CA10: variants seen among roughly 807,000 people sequenced by gnomAD.
CA10 encodes carbonic anhydrase-related protein 10.
Under a neutral mutation model 44.2 loss-of-function variants are expected in CA10, and 14 were observed. The observed-to-expected ratio is 0.32, with a 90% CI of 0.21 to 0.50. The LOEUF (loss-of-function observed/expected upper bound fraction) is 0.50. Among genes scored for constraint, CA10 ranks in the 20% least tolerant of loss-of-function variants. CA10 has a pLI of 0.99. For synonymous variants in CA10, 159 were observed against 141.6 expected, an observed-to-expected ratio of 1.12 and a Z score of -0.87; for missense variants, 350 against 409.7, an observed-to-expected ratio of 0.85 and a Z score of 1.26.
intron 3 of CA10, among the ~76,000 whole-genome samples, chr17:51,888,793 T>A (rs1448975207): frequency 6.6e-6 from 1 of 152,228 alleles, no homozygotes; most frequent in Non-Finnish European, 1.5e-5. Context: ...CCATTACCTA[T>A]TGCTACATAA....
chr17:51,974,713 T>C (rs1252090566), intron 2 of CA10, among the ~76,000 whole-genome samples: 4 of 152,022 alleles, frequency 2.6e-5, no homozygotes, highest in African/African-American at 9.7e-5. Flanking sequence ...TTAAAAGCTG[T>C]CAGAAAAGGT....
chr17:52,140,576 G>A (rs1043545921), intron 1 of CA10, among the ~76,000 whole-genome samples: 2 of 152,074 alleles, frequency 1.3e-5, no homozygotes, highest in African/African-American at 2.4e-5. Context: ...CTTAGCCCCT[G>A]GGCCTTACAA....
intron 3 of CA10, among the ~76,000 whole-genome samples, chr17:51,846,673 A>G (rs1055064827): frequency 2.6e-5 from 4 of 152,244 alleles, no homozygotes; most frequent in Non-Finnish European, 4.4e-5. Flanking sequence ...TTTACTCTTT[A>G]CTACATCTGA....
intron 1 of CA10, among the ~76,000 whole-genome samples, chr17:52,132,464 A>T (rs1013388381): frequency 1.3e-5 from 2 of 152,224 alleles, no homozygotes; most frequent in Admixed American, 6.5e-5. Context: ...ATGTGAGTCA[A>T]TTCTTCTAAA....
intron 3 of CA10, among the ~76,000 whole-genome samples, chr17:51,758,953 A>AC (rs1350529879): frequency 2.0e-5 from 3 of 152,120 alleles, no homozygotes; most frequent in Non-Finnish European, 4.4e-5. Flanking sequence ...TTCAAAGTCA[A>AC]TCTCCTTATG....
chr17:52,056,461 G>T (rs1334519879), intron 2 of CA10, among the ~76,000 whole-genome samples: 3 of 152,152 alleles, frequency 2.0e-5, no homozygotes, highest in Non-Finnish European at 4.4e-5. Context: ...GGAAAGAGGA[G>T]CTGGCTTGCT....
At chr17:51,712,701 G>A (rs908761089) in intron 4 of CA10, among the ~76,000 whole-genome samples, 4 of 152,204 alleles carry the variant, frequency 2.6e-5, no homozygotes, top group African/African-American at 9.7e-5. Flanking sequence ...CCAATATAGT[G>A]TGCAGGTCAG....
At chr17:51,701,840 C>T (rs78100086) in intron 4 of CA10, among the ~76,000 whole-genome samples, 12,136 of 152,198 alleles carry the variant, frequency 0.08, 1,626 homozygotes, top group African/African-American at 0.28. Context: ...AAAGGTTTTA[C>T]GACTAGAGAC....
intron 1 of CA10, among the ~76,000 whole-genome samples, chr17:52,073,951 C>T (rs1208704071): frequency 2.6e-5 from 4 of 152,158 alleles, no homozygotes; most frequent in Admixed American, 2.6e-4. Context: ...AGCCAAGAAA[C>T]CAAATCAAGG....
In CA10 at chr17:51,738,791, T is replaced by C. The variant is rs190802163; in HGVS notation, c.465+8842A>G. Reference sequence around the variant, plus strand: ...GGCTCTATTTGCTCTATGAGGTGACTAAACCAGGTGACCTAAGAAGGTTTT... The same window carrying C: ...GGCTCTATTTGCTCTATGAGGTGACCAAACCAGGTGACCTAAGAAGGTTTT... On this transcript the variant is annotated intron_variant, in intron 4 of 8. Transcript: ENST00000451037. 1.2e-4 allele frequency among the ~76,000 whole-genome samples: 19 copies of C among 152,350 alleles called. No homozygotes were observed. In the East Asian group the frequency reaches 3.3e-3, roughly 26 times the overall value.
intron 3 of CA10, among the ~76,000 whole-genome samples, chr17:51,765,670 G>A (rs1328125525): frequency 6.6e-6 from 1 of 151,294 alleles, no homozygotes; most frequent in African/African-American, 2.4e-5. Flanking sequence ...GCTAATGAGA[G>A]CTTGCAAGGC....
At chr17:51,832,678 C>T (rs1050118855) in intron 3 of CA10, among the ~76,000 whole-genome samples, 7 of 152,178 alleles carry the variant, frequency 4.6e-5, no homozygotes, top group African/African-American at 1.7e-4. Flanking sequence ...GGAGAAAAAC[C>T]AGGAGCTTTA....
chr17:51,851,665 G>C (rs919043336), intron 3 of CA10, among the ~76,000 whole-genome samples: 1 of 152,168 alleles, frequency 6.6e-6, no homozygotes, highest in Admixed American at 6.5e-5. Flanking sequence ...GTCAAGGGTT[G>C]TATCCACTTA....
chr17:52,138,716 A>G (rs558307413), intron 1 of CA10, among the ~76,000 whole-genome samples: 467 of 152,342 alleles, frequency 3.1e-3, no homozygotes, highest in Non-Finnish European at 4.4e-3. Context: ...CTGTTTCTAC[A>G]CAGCAGTGGC....
intron 4 of CA10, among the ~76,000 whole-genome samples, chr17:51,729,905 A>T (rs1449588220): frequency 6.6e-6 from 1 of 152,254 alleles, no homozygotes; most frequent in Non-Finnish European, 1.5e-5. Flanking sequence ...TGGCCAATGA[A>T]TCAGCATAGA....
intron 2 of CA10, among the ~76,000 whole-genome samples, chr17:51,958,308 A>C (rs927523987): frequency 1.7e-4 from 25 of 151,388 alleles, no homozygotes; most frequent in Admixed American, 1.6e-3. Context: ...CTCTACCAAG[A>C]GATCTTAGGT....
intron 4 of CA10, among the ~76,000 whole-genome samples, chr17:51,666,113 T>C (rs557069850): frequency 1.3e-5 from 2 of 152,350 alleles, no homozygotes; most frequent in South Asian, 2.1e-4. Flanking sequence ...CCTTCACTCA[T>C]TGATTCTTCC....
chr17:52,017,478 T>C (rs1238548941), intron 2 of CA10, among the ~76,000 whole-genome samples: 2 of 152,130 alleles, frequency 1.3e-5, no homozygotes, highest in Non-Finnish European at 2.9e-5. Context: ...ACTGTGTCCA[T>C]GTCCTAGGGA....
At chr17:51,770,064 A>G (rs1470978151) in intron 3 of CA10, among the ~76,000 whole-genome samples, 2 of 151,870 alleles carry the variant, frequency 1.3e-5, no homozygotes, top group South Asian at 2.1e-4. Flanking sequence ...CTAAGATTCT[A>G]TATCTCTGTT....
Sources: gnomAD v4.1 joint callset for allele counts (sites outside exome capture counted in the v4.1 genomes callset) on GRCh38, gnomAD v4.1.1 for gene constraint, MANE v1.5 for transcripts, NCBI Gene and HGNC (gene_info 2026-07-23, HGNC 2026-07-21) for gene names.